The following PIGX variants were observed in gnomAD, a reference collection of about 807,000 sequenced individuals.
The protein encoded by PIGX is GPI alpha-1,4-mannosyltransferase I, stabilizing subunit.
PIGX carries 24 observed loss-of-function variants against 28.7 expected under a neutral mutation model. The ratio of observed to expected loss-of-function variants is 0.84; its 90% CI spans 0.60 to 1.17. PIGX has a LOEUF of 1.17. Among genes scored for constraint, PIGX ranks in the 50% most tolerant of loss-of-function variants. The pLI is 0.00. For missense variants in PIGX, 305 were observed against 317.8 expected (o/e 0.96, Z 0.31); for synonymous variants, 127 against 121.0 (o/e 1.05, Z -0.33).
intron 1 of PIGX, among the ~76,000 whole-genome samples, chr3:196,713,326 G>C (rs1273671544): frequency 6.6e-6 from 1 of 151,004 alleles, no homozygotes; most frequent in Non-Finnish European, 1.5e-5. Flanking sequence ...TTTTGAGATG[G>C]AGTCTCACTC....
chr3:196,735,662 A>T lies in PIGX; in HGVS notation c.*1760A>T, dbSNP rs1712978857. On this transcript the variant is annotated 3_prime_UTR_variant, in exon 6 of 6. Transcript: ENST00000392391. ...TCATACCTATTTCATGCTTTCTCGTAAGAAAGAATTTCATGTTTTAGAAAC... is the reference window on the plus strand; with the variant it reads ...TCATACCTATTTCATGCTTTCTCGTTAGAAAGAATTTCATGTTTTAGAAAC... 1 of 152,242 alleles carries T rather than the reference A, an allele frequency of 6.6e-6. No individual in the cohort carries two copies. The highest frequency in any genetic ancestry group is 2.4e-5 in the African/African-American group (1 of 41,464). 9.4% of individuals were successfully genotyped at this position (152,242 alleles called of 1,614,324 possible).
intron 2 of PIGX, among the ~76,000 whole-genome samples, chr3:196,717,300 C>CAAAAAAAATAAAAAAAAAA (rs55850813): frequency 8.3e-6 from 1 of 120,906 alleles, no homozygotes; most frequent in African/African-American, 3.3e-5. Flanking sequence ...GACTCTGTCT[C>CAAAAAAAATAAAAAAAAAA]AAAAAAAGAA....
intron 3 of PIGX, 24 bp from the exon 4 acceptor site, chr3:196,727,899 A>C: frequency 6.9e-7 from 1 of 1,439,858 alleles, no homozygotes; most frequent in Non-Finnish European, 9.7e-7. Flanking sequence ...CTTCTTGATT[A>C]ATATTTATTT....
intron 4 of PIGX, among the ~76,000 whole-genome samples, chr3:196,729,724 T>G (rs1042320158): frequency 6.6e-6 from 1 of 151,416 alleles, no homozygotes; most frequent in Non-Finnish European, 1.5e-5. Flanking sequence ...CCTTTCAGTT[T>G]TTGGTTCTTT....
intron 2 of PIGX, among the ~76,000 whole-genome samples, chr3:196,721,954 G>A (rs1712342767): frequency 6.6e-6 from 1 of 152,056 alleles, no homozygotes; most frequent in Non-Finnish European, 1.5e-5. Flanking sequence ...GTCTCACTGT[G>A]TTACCCAGGC....
chr3:196,716,385 C>G (rs1560075132), intron 1 of PIGX, among the ~76,000 whole-genome samples: 1 of 152,094 alleles, frequency 6.6e-6, no homozygotes, highest in Non-Finnish European at 1.5e-5. Context: ...ATCTGATACA[C>G]AGTTTCAGTG....
chr3:196,734,761 C>T lies in PIGX; in HGVS notation c.*859C>T, dbSNP rs1448969584. 7 of 152,058 alleles carry T rather than the reference C, an allele frequency of 4.6e-5. No individual in the cohort carries two copies. Among genetic ancestry groups the T allele is most frequent in the African/African-American group, 1.7e-4 (7 of 41,394 alleles). The allele number at this position is 152,058 out of a possible 1,614,324, so 9.4% of individuals were successfully genotyped here. ...ATTATTCCTTAACGCACTCCATTCT[C>T]CTTTTACATTTTATCATGTTTCTTT... On this transcript the variant is annotated 3_prime_UTR_variant, in exon 6 of 6. Coordinates refer to ENST00000392391, the MANE Select transcript of PIGX (RefSeq NM_017861.4).
intron 1 of PIGX, among the ~76,000 whole-genome samples, chr3:196,716,585 A>G (rs964792639): frequency 3.3e-5 from 5 of 152,204 alleles, no homozygotes; most frequent in African/African-American, 1.2e-4. Flanking sequence ...GAGATAAACT[A>G]TCTTGCCCAA....
At chr3:196,718,065 C>T (rs1477019947) in intron 2 of PIGX, 2 of 152,028 alleles carry the variant, frequency 1.3e-5, no homozygotes, top group Non-Finnish European at 2.9e-5. Context: ...AATCCCAGCA[C>T]TTTGGGAGGT....
chr3:196,731,021 T>A lies in PIGX; in HGVS notation c.562T>A (p.Ser188Thr). The A allele has an allele frequency of 6.2e-7, 1 of 1,611,464 alleles. No individual in the cohort carries two copies. The highest frequency in any genetic ancestry group is 8.5e-7 in the Non-Finnish European group (1 of 1,177,806). Residue 188 changes from serine to threonine, a missense_variant, in exon 5 of 6, where the codon TCA becomes ACA. Physicochemically the swap from Ser to Thr is moderately conservative, Grantham distance 58. Transcript: ENST00000392391. ...CCCGATTTTGAAATGCTGGGCTCAC[T>A]CAGAAGTGGCAGCCCCTTGTGCTTT... is the stretch of plus-strand genomic sequence containing the variant.
chr3:196,733,655 T>A lies in PIGX; in HGVS notation c.634-104T>A, dbSNP rs780192035. ...TTTGAACTCCTGACCTCAAGCGATC[T>A]GCCCGCCTTGGCCTCCCGAAGTGCT... On this transcript the variant is annotated intron_variant, in intron 5 of 5. Coordinates refer to ENST00000392391, the MANE Select transcript of PIGX (RefSeq NM_017861.4). The surrounding 1 kb of genome is among the most constrained non-coding windows in gnomAD (Gnocchi z 4.3). 2.6e-6 allele frequency: 2 copies of A among 772,700 alleles called. No homozygotes were observed. The highest frequency in any genetic ancestry group is 4.4e-6 in the Non-Finnish European group (2 of 455,206). 47.9% of individuals were successfully genotyped at this position (772,700 alleles called of 1,614,324 possible).
chr3:196,733,584 G>A lies in PIGX; in HGVS notation c.634-175G>A, dbSNP rs1461474150. 6.6e-6 allele frequency among the ~76,000 whole-genome samples: 1 copy of A among 151,958 alleles called. No homozygotes were observed. Among genetic ancestry groups the A allele is most frequent in the Non-Finnish European group, 1.5e-5 (1 of 67,992 alleles). On this transcript the variant is annotated intron_variant, in intron 5 of 5. Coordinates refer to ENST00000392391, the MANE Select transcript of PIGX (RefSeq NM_017861.4). The surrounding 1 kb of genome is among the most constrained non-coding windows in gnomAD (Gnocchi z 4.3). ...CTGCCACCACACCTGGCTAATTTTT[G>A]TATTTTTAGTAGAGATGGTTTAGTA...
At chr3:196,721,425 T>TTC (rs924959500) in intron 2 of PIGX, 7 of 164,048 alleles carry the variant, frequency 4.3e-5, no homozygotes, top group Admixed American at 6.5e-5. Context: ...AAAAAATATC[T>TTC]TCTCTCTCTC....
chr3:196,712,540 C>T lies in PIGX; in HGVS notation c.8C>T (p.Ala3Val). Residue 3 changes from alanine to valine, a missense_variant, in exon 1 of 6, where the codon GCT becomes GTT. By Grantham distance (64) the Ala-to-Val change is moderately conservative. Transcript: ENST00000392391. ...CGTCCGGCTTCCGGCGTCCTGGCGG[C>T]TCGGGTGGCGGCGGTTCGGGCGGCC... 1 of 1,171,836 alleles carries T rather than the reference C, an allele frequency of 8.5e-7. No homozygotes were observed. The highest frequency in any genetic ancestry group is 1.1e-6 in the Non-Finnish European group (1 of 949,160). The allele number at this position is 1,171,836 out of a possible 1,614,324, so 72.6% of individuals were successfully genotyped here.
chr3:196,732,069 AC>A (rs1261249341), intron 5 of PIGX, among the ~76,000 whole-genome samples: 1 of 148,392 alleles, frequency 6.7e-6, no homozygotes, highest in African/African-American at 2.5e-5. Flanking sequence ...CAGGTGATCC[AC>A]CCCCGTCAGC....
chr3:196,725,580 C>T (rs551715065), intron 3 of PIGX, among the ~76,000 whole-genome samples: 6 of 152,160 alleles, frequency 3.9e-5, no homozygotes, highest in Admixed American at 2.0e-4. Context: ...GGGGAGAGAA[C>T]GTCATAGAGG....
Position 196,733,920 on chromosome 3 carries a change from G to A in PIGX, c.*18G>A. ...CCCTATAAGTTTTATGTAGTTAAAT[G>A]CTTCCTAGAAACCTAAATAAGATCT... On this transcript the variant is annotated 3_prime_UTR_variant, in exon 6 of 6. Transcript: ENST00000392391. This position sits in a 1 kb window ranked among gnomAD's most constrained non-coding sequence, Gnocchi z 4.3. The A allele has an allele frequency of 1.4e-6, 2 of 1,476,712 alleles. No homozygotes were observed. The highest frequency in any genetic ancestry group is 1.9e-6 in the Non-Finnish European group (2 of 1,056,944). 91.5% of individuals were successfully genotyped at this position (1,476,712 alleles called of 1,614,324 possible).
chr3:196,712,478 C>T lies in PIGX; in HGVS notation c.-55C>T, dbSNP rs1711857026. On this transcript the variant is annotated 5_prime_UTR_variant, in exon 1 of 6. Transcript: ENST00000392391. ...GGAGCTGCGGGCGGCCAGGCCCCTT[C>T]CTGCGTCCGCACCTGGCCCCGCGCG... 3.4e-6 allele frequency: 3 copies of T among 889,830 alleles called. No homozygotes were observed. The highest frequency in any genetic ancestry group is 4.3e-6 in the Non-Finnish European group (3 of 698,986). The allele number at this position is 889,830 out of a possible 1,614,324, so 55.1% of individuals were successfully genotyped here. A position where few individuals can be genotyped will look rare whatever the true frequency, so the allele number is the denominator to read the frequency against.
intron 4 of PIGX, 124 bp downstream of exon 4, chr3:196,728,260 A>T: frequency 1.5e-6 from 1 of 660,396 alleles, no homozygotes; most frequent in Non-Finnish European, 2.7e-6. Flanking sequence ...TTACAAGGGT[A>T]TTTATTTGCC....
Sources: allele counts gnomAD v4.1 joint callset (sites outside exome capture counted in the v4.1 genomes callset), GRCh38; gene constraint gnomAD v4.1.1; non-coding constraint Gnocchi (gnomAD v3.1); transcripts MANE v1.5; gene names NCBI Gene and HGNC (gene_info 2026-07-23, HGNC 2026-07-21).